Variants in IL13RA1 observed in about 807,000 individuals in gnomAD.
The protein encoded by IL13RA1 is interleukin 13 receptor subunit alpha 1.
A neutral mutation model predicts 33.8 loss-of-function variants in IL13RA1; 14 were observed. The ratio of observed to expected loss-of-function variants is 0.41; its 90% CI spans 0.27 to 0.65. IL13RA1 has a LOEUF of 0.65. Among genes scored for constraint, IL13RA1 ranks in the 30% least tolerant of loss-of-function variants. The probability of loss-of-function intolerance (pLI) is 0.28; values close to 1 mark genes in which losing one functional copy is unlikely to be tolerated. For synonymous variants in IL13RA1, 116 were observed against 115.7 expected, an observed-to-expected ratio of 1.00 and a Z score of -0.02; for missense variants, 313 against 327.0, an observed-to-expected ratio of 0.96 and a Z score of 0.33.
rs1185963910 is a variant in IL13RA1, at chrX:118,784,119, G to GTA, written c.1191+7616_1191+7617dup. ...TATATATATATATATACGTATATAT[G>GTA]TATATATATGTATATATATATATAT... On this transcript the variant is annotated intron_variant, in intron 10 of 10. Coordinates refer to ENST00000371666, the MANE Select transcript of IL13RA1 (RefSeq NM_001560.3). Among the ~76,000 whole-genome samples the GTA allele has an allele frequency of 5.8e-3, 107 of 18,459 alleles. 4 individuals are homozygous for GTA. The highest frequency in any genetic ancestry group is 0.028 in the Admixed American group (29 of 1,051). 16.0% of individuals were successfully genotyped at this position (18,459 alleles called of 115,157 possible). A position where few individuals can be genotyped will look rare whatever the true frequency, so the allele number is the denominator to read the frequency against.
At chrX:118,798,411 CAT>C (rs1403159315), downstream of IL13RA1, among the ~76,000 whole-genome samples, 1 of 111,325 alleles carries the variant, frequency 9.0e-6, no homozygotes, top group Non-Finnish European at 1.9e-5. Context: ...ATGTACCTGT[CAT>C]GAGTTCAATC....
At chrX:118,733,801 G>A (rs1254741051) in intron 1 of IL13RA1, among the ~76,000 whole-genome samples, 2 of 110,649 alleles carry the variant, frequency 1.8e-5, no homozygotes, top group Non-Finnish European at 3.8e-5. Flanking sequence ...TTTTTACTTG[G>A]TATTGGGTAA....
intron 6 of IL13RA1, 34 bp downstream of exon 6, chrX:118,761,323 ATTTTTC>A: frequency 1.3e-6 from 1 of 740,921 alleles, no homozygotes; most frequent in Non-Finnish European, 2.0e-6. Flanking sequence ...TTATTTGGCT[ATTTTTC>A]TTTTACTTGA....
Position 118,738,781 on chromosome X carries a change from CTTTTTTTTTTTTTT to C in IL13RA1, c.89-2225_89-2212del, listed in dbSNP as rs144796443. On this transcript the variant is annotated intron_variant, in intron 1 of 10. Transcript: ENST00000371666. ...TTGAATGGTAGTTCTATTTTAAGTC[CTTTTTTTTTTTTTT>C]TTTTTTTTTTGAGACATAGTCTTGC... Among the ~76,000 whole-genome samples the C allele has an allele frequency of 1.0e-4, 6 of 60,242 alleles. No individual in the cohort carries two copies. In the South Asian group the frequency reaches 6.0e-3, roughly 60 times the overall value. 52.3% of individuals were successfully genotyped at this position (60,242 alleles called of 115,157 possible). A position where few individuals can be genotyped will look rare whatever the true frequency, so the allele number is the denominator to read the frequency against.
chrX:118,799,139 GCCGGCC>G (rs2018049592), downstream of IL13RA1, among the ~76,000 whole-genome samples: 1 of 113,220 alleles, frequency 8.8e-6, no homozygotes, highest in Non-Finnish European at 1.9e-5. Flanking sequence ...CCCCAGCAGT[GCCGGCC>G]CACCGGCGCT....
At chrX:118,770,794 G>T (rs2147390184) in intron 8 of IL13RA1, 2 of 313,659 alleles carry the variant, frequency 6.4e-6, no homozygotes, top group South Asian at 6.1e-5. Flanking sequence ...TACTGGCTTT[G>T]TCATGCTGGT....
downstream of IL13RA1, among the ~76,000 whole-genome samples, chrX:118,799,265 C>T (rs930092489): frequency 2.4e-3 from 274 of 113,015 alleles, 1 homozygote; most frequent in Non-Finnish European, 4.5e-3. Flanking sequence ...CTGTGCGGCC[C>T]GAGCCTCCCG....
chrX:118,742,301 A>G (rs967334046), intron 2 of IL13RA1, among the ~76,000 whole-genome samples: 1 of 112,369 alleles, frequency 8.9e-6, no homozygotes, highest in African/African-American at 3.2e-5. Flanking sequence ...TACTACTAGC[A>G]GTGAGACTGG....
intron 4 of IL13RA1, among the ~76,000 whole-genome samples, chrX:118,756,370 A>G (rs918534728): frequency 2.7e-5 from 3 of 111,850 alleles, no homozygotes; most frequent in African/African-American, 9.7e-5. Flanking sequence ...GCGCTGGGCT[A>G]GGTGCTGATG....
chrX:118,791,811 A>T lies in IL13RA1; in HGVS notation c.1241A>T (p.Asp414Val). ...GAGAAGCAAACCAAGGAGGAAACCG[A>T]CTCTGTAGTGCTGATAGAAAACCTG... ...IYEKQTKEET[D>V]SVVLIENLKK... The change falls in exon 11 of 11, where the codon GAC (aspartate) becomes GTC (valine). Residue 414 changes from aspartate to valine, a missense_variant. Transcript: ENST00000371666. 9.3e-7 allele frequency: 1 copy of T among 1,078,717 alleles called. No homozygotes were observed. Among genetic ancestry groups the T allele is most frequent in the Non-Finnish European group, 1.3e-6 (1 of 776,754 alleles). 88.9% of individuals were successfully genotyped at this position (1,078,717 alleles called of 1,213,427 possible).
downstream of IL13RA1, among the ~76,000 whole-genome samples, chrX:118,795,599 G>A (rs768127594): frequency 3.6e-4 from 40 of 112,378 alleles, no homozygotes; most frequent in Admixed American, 3.3e-3. Context: ...TATTACAACA[G>A]AAAACATTTA....
At chrX:118,800,493 T>G in the IL13RA1 span, among the ~76,000 whole-genome samples, 1 of 109,648 alleles carries the variant, frequency 9.1e-6, no homozygotes, top group Admixed American at 9.7e-5. Context: ...CTTCACTCAT[T>G]AGCCAGTGAG....
downstream of IL13RA1, among the ~76,000 whole-genome samples, chrX:118,795,890 TC>T (rs2147409935): frequency 8.9e-6 from 1 of 112,769 alleles, no homozygotes; most frequent in Non-Finnish European, 1.9e-5. Flanking sequence ...GACTCTGTTT[TC>T]TTTTAAACCC....
intron 6 of IL13RA1, among the ~76,000 whole-genome samples, chrX:118,761,973 C>T (rs369293883): frequency 2.8e-4 from 32 of 112,346 alleles, no homozygotes; most frequent in Admixed American, 2.0e-3. Context: ...TCAGATCTTG[C>T]GGACACTTTG....
intron 2 of IL13RA1, among the ~76,000 whole-genome samples, chrX:118,744,757 G>T (rs1223542706): frequency 2.7e-5 from 3 of 111,695 alleles, no homozygotes; most frequent in Non-Finnish European, 3.8e-5. Flanking sequence ...TAATTTTTGT[G>T]TACTAAAACT....
chrX:118,801,525 T>C, the IL13RA1 span, among the ~76,000 whole-genome samples: 1 of 112,408 alleles, frequency 8.9e-6, no homozygotes, highest in East Asian at 2.8e-4. Context: ...TCTGTAATTT[T>C]CGTATCTTTT....
At chrX:118,784,476 TTAA>T (rs202001827) in intron 10 of IL13RA1, among the ~76,000 whole-genome samples, 2,356 of 111,331 alleles carry the variant, frequency 0.021, 66 homozygotes, top group African/African-American at 0.072. Flanking sequence ...AAAATAAATT[TTAA>T]TGATGATTGA....
intron 10 of IL13RA1, among the ~76,000 whole-genome samples, chrX:118,786,822 A>T (rs1023311746): frequency 3.6e-5 from 4 of 111,878 alleles, no homozygotes; most frequent in Non-Finnish European, 1.9e-5. Flanking sequence ...GAGTTTCTGG[A>T]GGCCCAGGCT....
In IL13RA1 at chrX:118,756,592, A is replaced by G. The variant is rs73591294; in HGVS notation, c.489-1463A>G. Reference sequence around the variant, plus strand: ...CAATGGAGCCTGTAGTCATTAGGGTATGAATCTCAGGGTGTGGGCAATGGA... The same window carrying G: ...CAATGGAGCCTGTAGTCATTAGGGTGTGAATCTCAGGGTGTGGGCAATGGA... On this transcript the variant is annotated intron_variant, in intron 4 of 10. Coordinates refer to ENST00000371666, the MANE Select transcript of IL13RA1 (RefSeq NM_001560.3). 8.9e-3 allele frequency among the ~76,000 whole-genome samples: 995 copies of G among 111,565 alleles called. 22 individuals are homozygous for G. The highest frequency in any genetic ancestry group is 0.031 in the African/African-American group (952 of 30,689).
Sources: gnomAD v4.1 joint callset for allele counts (sites outside exome capture counted in the v4.1 genomes callset) on GRCh38, gnomAD v4.1.1 for gene constraint, MANE v1.5 for transcripts, NCBI Gene and HGNC (gene_info 2026-07-23, HGNC 2026-07-21) for gene names.